SEMA6D: variants seen among roughly 807,000 people sequenced by gnomAD.
SEMA6D encodes semaphorin-6D.
Under a neutral mutation model 106.6 loss-of-function variants are expected in SEMA6D, and 35 were observed. The observed-to-expected ratio is 0.33, with a 90% CI of 0.25 to 0.44. SEMA6D has a LOEUF of 0.44. Among genes scored for constraint, SEMA6D ranks in the 20% least tolerant of loss-of-function variants. The pLI, the probability that SEMA6D is intolerant of heterozygous loss-of-function variation, is 1.00. For missense variants in SEMA6D, 1,185 were observed against 1,345.9 expected, an observed-to-expected ratio of 0.88 and a Z score of 1.87; for synonymous variants, 499 against 487.7, an observed-to-expected ratio of 1.02 and a Z score of -0.31.
chr15:47,270,400 A>C (rs1034982911), intron 1 of SEMA6D, among the ~76,000 whole-genome samples: 1 of 151,946 alleles, frequency 6.6e-6, no homozygotes, highest in African/African-American at 2.4e-5. Flanking sequence ...ATAGATAATC[A>C]TACCATCTGA....
At chr15:47,521,015 G>A (rs1036440411) in intron 3 of SEMA6D, among the ~76,000 whole-genome samples, 1 of 152,214 alleles carries the variant, frequency 6.6e-6, no homozygotes, top group Non-Finnish European at 1.5e-5. Flanking sequence ...TGAGTAGAAA[G>A]TTGCCTTTTT....
intron 1 of SEMA6D, among the ~76,000 whole-genome samples, chr15:47,302,042 A>C (rs12593154): frequency 0.13 from 20,000 of 152,172 alleles, 2,884 homozygotes; most frequent in East Asian, 0.61. Context: ...TAAATGCTGA[A>C]TATGCACCAG....
upstream of SEMA6D, among the ~76,000 whole-genome samples, chr15:47,715,121 G>A (rs1004065002): frequency 3.9e-5 from 6 of 152,196 alleles, no homozygotes; most frequent in African/African-American, 1.4e-4. Context: ...GTCAGGAAAA[G>A]CAGAAATTAA....
At chr15:47,768,257 AAG>A (rs1043170138) in intron 17 of SEMA6D, among the ~76,000 whole-genome samples, 3 of 152,186 alleles carry the variant, frequency 2.0e-5, no homozygotes, top group Non-Finnish European at 2.9e-5. Context: ...CTCACAAGAG[AAG>A]GAAGAAACAG....
At chr15:47,755,459 A>G (rs2081664374) in intron 1 of SEMA6D, among the ~76,000 whole-genome samples, 1 of 152,090 alleles carries the variant, frequency 6.6e-6, no homozygotes, top group East Asian at 1.9e-4. Context: ...GATAATTTCT[A>G]CTTGAATGTT....
chr15:47,398,734 G>A (rs1595903841), intron 1 of SEMA6D, among the ~76,000 whole-genome samples: 1 of 152,198 alleles, frequency 6.6e-6, no homozygotes, highest in Non-Finnish European at 1.5e-5. Context: ...TCACTCCTTT[G>A]TCCTGGTGTC....
At chr15:47,719,320 T>A (rs2079285368) in intron 1 of SEMA6D, among the ~76,000 whole-genome samples, 1 of 152,126 alleles carries the variant, frequency 6.6e-6, no homozygotes, top group Non-Finnish European at 1.5e-5. Context: ...GCGCAGCACA[T>A]CGTTACTATA....
upstream of SEMA6D, among the ~76,000 whole-genome samples, chr15:47,716,712 T>C (rs2079125021): frequency 6.6e-6 from 1 of 152,120 alleles, no homozygotes; most frequent in Non-Finnish European, 1.5e-5. Flanking sequence ...ATGATGTCAC[T>C]TCAAGGACAT....
intron 2 of SEMA6D, among the ~76,000 whole-genome samples, chr15:47,463,094 C>T (rs922122234): frequency 2.6e-5 from 4 of 152,084 alleles, no homozygotes; most frequent in African/African-American, 9.7e-5. Flanking sequence ...CCTCAGTTTC[C>T]TGAAGGAATA....
chr15:47,233,826 G>A (rs1006964739), intron 1 of SEMA6D, among the ~76,000 whole-genome samples: 23 of 151,734 alleles, frequency 1.5e-4, no homozygotes, highest in Non-Finnish European at 2.7e-4. Context: ...TGGCATTTTG[G>A]GGATTGTCTA....
chr15:47,768,826 C>A, intron 18 of SEMA6D, 78 bp downstream of exon 18: 1 of 1,397,648 alleles, frequency 7.2e-7, no homozygotes, highest in Non-Finnish European at 9.7e-7. Context: ...ATGTGGTTCT[C>A]CAGAGGTGGG....
At chr15:47,571,402 G>C (rs753177450) in intron 3 of SEMA6D, among the ~76,000 whole-genome samples, 1 of 152,206 alleles carries the variant, frequency 6.6e-6, no homozygotes, top group African/African-American at 2.4e-5. Context: ...GCCAATTACA[G>C]ATGCTCTGCT....
At chr15:47,407,406 C>CAAAAAAAAAAAAA (rs1231097214) in intron 1 of SEMA6D, among the ~76,000 whole-genome samples, 3 of 105,812 alleles carry the variant, frequency 2.8e-5, no homozygotes, top group African/African-American at 3.4e-5. Context: ...ACAACAACAA[C>CAAAAAAAAAAAAA]AACAAAAAAA....
intron 1 of SEMA6D, among the ~76,000 whole-genome samples, chr15:47,317,426 A>C: frequency 6.6e-6 from 1 of 152,194 alleles, no homozygotes; most frequent in Non-Finnish European, 1.5e-5. Context: ...TAATGTTTTT[A>C]ATTCTACTTT....
intron 2 of SEMA6D, among the ~76,000 whole-genome samples, chr15:47,429,002 G>T (rs537612049): frequency 6.6e-6 from 1 of 151,380 alleles, no homozygotes; most frequent in Admixed American, 6.6e-5. Flanking sequence ...AAGGGAGGGA[G>T]GGAGGAAGGA....
chr15:47,471,420 CTTAA>C, intron 3 of SEMA6D, among the ~76,000 whole-genome samples: 1 of 152,310 alleles, frequency 6.6e-6, no homozygotes, highest in African/African-American at 2.4e-5. Context: ...GTCATACTTT[CTTAA>C]TTGTTACTTT....
intron 4 of SEMA6D, chr15:47,603,270 TCCTGTAGCTGGGA>T (rs1028901702): frequency 4.6e-5 from 7 of 152,244 alleles, no homozygotes; most frequent in African/African-American, 1.7e-4. Context: ...GGCTTTTCTG[TCCTGTAGCTGGGA>T]CCTTCTGCCT....
intron 4 of SEMA6D, among the ~76,000 whole-genome samples, chr15:47,699,962 C>T (rs2078776467): frequency 6.6e-6 from 1 of 152,140 alleles, no homozygotes; most frequent in Non-Finnish European, 1.5e-5. Context: ...ATGCAAAAGT[C>T]AATTGCCTTC....
At chr15:47,303,725 G>T (rs1288259267) in intron 1 of SEMA6D, among the ~76,000 whole-genome samples, 1 of 152,202 alleles carries the variant, frequency 6.6e-6, no homozygotes, top group African/African-American at 2.4e-5. Flanking sequence ...GGGAGTGTTG[G>T]TGAAGTGTAA....
Sources: allele counts gnomAD v4.1 joint callset (sites outside exome capture counted in the v4.1 genomes callset), GRCh38; gene constraint gnomAD v4.1.1; transcripts MANE v1.5; gene names NCBI Gene and HGNC (gene_info 2026-07-23, HGNC 2026-07-21).